IFT122: variants seen among roughly 807,000 people sequenced by gnomAD.
IFT122 encodes intraflagellar transport 122, also known as intraflagellar transport protein 122 homolog.
IFT122 carries 118 observed loss-of-function variants against 161.6 expected under a neutral mutation model. That is an observed-to-expected ratio of 0.73 (90% CI 0.63 to 0.85). The LOEUF (loss-of-function observed/expected upper bound fraction) is 0.85. Among genes scored for constraint, IFT122 ranks in the 40% least tolerant of loss-of-function variants. The probability of loss-of-function intolerance (pLI) is 0.00; values close to 1 mark genes in which losing one functional copy is unlikely to be tolerated. For synonymous variants in IFT122, 550 were observed against 602.4 expected (o/e 0.91, Z 1.27); for missense variants, 1,381 against 1,579.6 (o/e 0.87, Z 2.13).
intron 8 of IFT122, among the ~76,000 whole-genome samples, chr3:129,467,777 C>T (rs1038154461): frequency 9.9e-5 from 15 of 152,170 alleles, no homozygotes; most frequent in African/African-American, 3.4e-4. Context: ...TTGAGACTTT[C>T]CAAACTGTTT....
intron 1 of IFT122, among the ~76,000 whole-genome samples, chr3:129,440,840 A>G (rs1016929431): frequency 1.3e-5 from 2 of 152,242 alleles, no homozygotes; most frequent in Non-Finnish European, 2.9e-5. Flanking sequence ...TCTAAATGTT[A>G]AGATAAAATC....
At chr3:129,495,687 C>T in intron 18 of IFT122, 80 bp downstream of exon 18, 3 of 1,517,728 alleles carry the variant, frequency 2.0e-6, no homozygotes, top group East Asian at 2.3e-5. Context: ...GTTATTTTCC[C>T]CAAGAGTGCT....
chr3:129,440,757 T>C (rs1321810633), intron 1 of IFT122, among the ~76,000 whole-genome samples: 5 of 152,258 alleles, frequency 3.3e-5, no homozygotes, highest in Non-Finnish European at 5.9e-5. Context: ...AATTGTCTCA[T>C]TTATTTTAAT....
intron 23 of IFT122, among the ~76,000 whole-genome samples, chr3:129,510,199 T>C (rs2082662524): frequency 1.3e-5 from 2 of 152,202 alleles, no homozygotes; most frequent in Admixed American, 1.3e-4. Context: ...GCACTGGGAT[T>C]ACAGGCATGA....
chr3:129,516,738 C>T (rs1464429447), intron 26 of IFT122, among the ~76,000 whole-genome samples: 1 of 130,732 alleles, frequency 7.6e-6, no homozygotes, highest in Non-Finnish European at 1.6e-5. Context: ...AGAGACTGCC[C>T]CTGCACACAC....
At chr3:129,483,021 G>A (rs2078859296) in intron 14 of IFT122, among the ~76,000 whole-genome samples, 1 of 152,092 alleles carries the variant, frequency 6.6e-6, no homozygotes, top group Non-Finnish European at 1.5e-5. Context: ...GCAGGCTAGG[G>A]GAGGTGATTC....
intron 4 of IFT122, 62 bp downstream of exon 4, chr3:129,458,739 C>A: frequency 7.7e-7 from 1 of 1,293,658 alleles, no homozygotes; most frequent in Non-Finnish European, 1.1e-6. Context: ...GCAGCAAAAG[C>A]CTCTTAGAAA....
chr3:129,453,746 G>GAA (rs1346184797), intron 3 of IFT122, among the ~76,000 whole-genome samples: 3 of 152,192 alleles, frequency 2.0e-5, no homozygotes, highest in Admixed American at 6.5e-5. Context: ...TGTTACAGTT[G>GAA]GGGTACCAGG....
chr3:129,477,688 A>G (rs1360939724), intron 11 of IFT122, among the ~76,000 whole-genome samples: 4 of 152,214 alleles, frequency 2.6e-5, no homozygotes, highest in Non-Finnish European at 5.9e-5. Flanking sequence ...AGGTGAGGTC[A>G]GTTACTTAGG....
At chr3:129,459,505 G>A (rs1243007582) in intron 4 of IFT122, 2 of 273,670 alleles carry the variant, frequency 7.3e-6, no homozygotes, top group African/African-American at 2.4e-5. Context: ...TAGCTAGGAT[G>A]GTCTCGATCT....
Position 129,466,959 on chromosome 3 carries a change from T to G in IFT122, c.633T>G (p.Ile211Met), listed in dbSNP as rs1203928609. ...AGGATGTCATTGTCAACAGATATAT[T>G]CAGGAAATCCCTTCCACTCTGAAGT... is the stretch of plus-strand genomic sequence containing the variant. ...DAEDVIVNRY[I>M]QEIPSTLKSA... is the part of the protein sequence containing the mutation. Residue 211 changes from isoleucine to methionine, a missense_variant, in exon 8 of 30, where the codon ATT (isoleucine) becomes ATG (methionine). Ile to Met is a conservative substitution (Grantham distance 10). Transcript: ENST00000348417. 2.5e-6 allele frequency: 4 copies of G among 1,614,154 alleles called. No individual in the cohort carries two copies. Among genetic ancestry groups the G allele is most frequent in the Non-Finnish European group, 3.4e-6 (4 of 1,179,976 alleles).
At chr3:129,489,853 A>G (rs2108424217) in intron 16 of IFT122, among the ~76,000 whole-genome samples, 1 of 151,152 alleles carries the variant, frequency 6.6e-6, no homozygotes, top group East Asian at 1.9e-4. Context: ...AAAAAAAAAA[A>G]AAAGAATTCA....
intron 23 of IFT122, 75 bp from the exon 24 acceptor site, chr3:129,512,237 G>A: frequency 1.0e-6 from 1 of 955,580 alleles, no homozygotes; most frequent in Non-Finnish European, 1.7e-6. Context: ...CAGAATTATT[G>A]GTGTCTGCCT....
intron 13 of IFT122, 167 bp from the exon 14 acceptor site, chr3:129,481,363 C>T (rs1165148812): frequency 3.8e-5 from 26 of 684,160 alleles, no homozygotes; most frequent in Non-Finnish European, 6.7e-5. Context: ...TAAGCCATTG[C>T]CCCCCACCCC....
chr3:129,516,720 ACACACAGAGAGACTGCCCCTG>A (rs1363385248), intron 26 of IFT122, among the ~76,000 whole-genome samples: 2 of 103,728 alleles, frequency 1.9e-5, no homozygotes, highest in African/African-American at 8.0e-5. Context: ...ACACACACAC[ACACACAGAGAGACTGCCCCTG>A]CACACACACA....
chr3:129,458,391 A>G (rs1260964445), intron 3 of IFT122, among the ~76,000 whole-genome samples: 2 of 152,202 alleles, frequency 1.3e-5, no homozygotes, highest in Non-Finnish European at 2.9e-5. Flanking sequence ...TAGGCTCCCA[A>G]TACATCTTTG....
intron 16 of IFT122, among the ~76,000 whole-genome samples, chr3:129,491,531 T>A (rs1356238465): frequency 1.3e-5 from 2 of 152,176 alleles, no homozygotes; most frequent in African/African-American, 4.8e-5. Context: ...GGCTGCAATT[T>A]TAGGGTTTAC....
chr3:129,516,091 T>C (rs1485947914), intron 26 of IFT122, among the ~76,000 whole-genome samples: 4 of 111,990 alleles, frequency 3.6e-5, no homozygotes, highest in Non-Finnish European at 5.2e-5. Flanking sequence ...ACACACAGAC[T>C]GCTCCTGCAC....
At chr3:129,463,408 C>G (rs771209610) in intron 5 of IFT122, 152 bp from the exon 6 acceptor site, 2 of 662,652 alleles carry the variant, frequency 3.0e-6, no homozygotes, top group Admixed American at 2.2e-5. Flanking sequence ...TGGAATCGTA[C>G]AGTATATGAC....
Sources: allele counts gnomAD v4.1 joint callset (sites outside exome capture counted in the v4.1 genomes callset), GRCh38; gene constraint gnomAD v4.1.1; transcripts MANE v1.5; gene names NCBI Gene and HGNC (gene_info 2026-07-23, HGNC 2026-07-21).